Variants in SLC29A4 observed in about 807,000 individuals in gnomAD.
The protein encoded by SLC29A4 is solute carrier family 29 member 4, also known as equilibrative nucleoside transporter 4.
In SLC29A4, 36 loss-of-function variants were observed where a neutral mutation model predicts 43.9. The observed-to-expected ratio is 0.82, with a 90% CI of 0.63 to 1.08. SLC29A4 has a LOEUF of 1.08. Among genes scored for constraint, SLC29A4 ranks in the 50% least tolerant of loss-of-function variants. The pLI is 0.00. For missense variants in SLC29A4, 869 were observed against 755.3 expected, an observed-to-expected ratio of 1.15 and a Z score of -1.77; for synonymous variants, 491 against 338.0, an observed-to-expected ratio of 1.45 and a Z score of -4.97.
Position 5,290,873 on chromosome 7 carries a change from T to A in SLC29A4, c.301+10T>A. On this transcript the variant is annotated intron_variant, in intron 3 of 10. Transcript: ENST00000396872. Reference sequence around the variant, plus strand: ...CATCACAAGTACCCAGGTGGGTCCCTCCACGGTCACGCCCAGCCACTCAGC... The same window carrying A: ...CATCACAAGTACCCAGGTGGGTCCCACCACGGTCACGCCCAGCCACTCAGC... 6.2e-7 allele frequency: 1 copy of A among 1,604,574 alleles called. No homozygotes were observed. The highest frequency in any genetic ancestry group is 8.5e-7 in the Non-Finnish European group (1 of 1,174,572).
At position 5,305,436 on chromosome 7, in the gene SLC29A4, C is replaced by T. The variant is rs1583692870; in HGVS notation, c.*2497C>T. The T allele has an allele frequency of 6.6e-6, 1 of 152,322 alleles. No homozygotes were observed. The highest frequency in any genetic ancestry group is 1.5e-5 in the Non-Finnish European group (1 of 68,112). The allele number at this position is 152,322 out of a possible 1,614,324, so 9.4% of individuals were successfully genotyped here. ...GACCCCCACCTATAGCTTCCCTAGGCCCCAGTGCAGAGATGCCGTCCACCC... is the reference window on the plus strand; with the variant it reads ...GACCCCCACCTATAGCTTCCCTAGGTCCCAGTGCAGAGATGCCGTCCACCC... On this transcript the variant is annotated 3_prime_UTR_variant, in exon 11 of 11. Transcript: ENST00000396872.
intron 2 of SLC29A4, among the ~76,000 whole-genome samples, chr7:5,290,387 G>C (rs1220958358): frequency 2.0e-5 from 3 of 152,030 alleles, no homozygotes; most frequent in African/African-American, 7.2e-5. Flanking sequence ...AGTAGAGATG[G>C]GGTTTCACCA....
In SLC29A4 at chr7:5,295,038, G is replaced by C. The variant is rs1785558189; in HGVS notation, c.619+104G>C. On this transcript the variant is annotated intron_variant, in intron 6 of 10. Coordinates refer to ENST00000396872, the MANE Select transcript of SLC29A4 (RefSeq NM_153247.4). ...TGATGCTCCCCGGTCTGGGAGGGAGGCTCACAATCCCTGGGCAGACTGAGC... is the reference window on the plus strand; with the variant it reads ...TGATGCTCCCCGGTCTGGGAGGGAGCCTCACAATCCCTGGGCAGACTGAGC... 6 of 1,032,936 alleles carry C rather than the reference G, an allele frequency of 5.8e-6. No individual in the cohort carries two copies. The Admixed American group carries it at 1.5e-4, about 25-fold the overall frequency. 64.0% of individuals were successfully genotyped at this position (1,032,936 alleles called of 1,614,324 possible). A position where few individuals can be genotyped will look rare whatever the true frequency, so the allele number is the denominator to read the frequency against.
chr7:5,286,020 AC>A (rs1192017861), intron 1 of SLC29A4, among the ~76,000 whole-genome samples: 2 of 151,646 alleles, frequency 1.3e-5, no homozygotes, highest in Non-Finnish European at 2.9e-5. Context: ...AGAAAAAAAA[AC>A]AAAAAACAAA....
chr7:5,285,966 C>T (rs923158335), intron 1 of SLC29A4, among the ~76,000 whole-genome samples: 3 of 151,980 alleles, frequency 2.0e-5, no homozygotes, highest in African/African-American at 4.8e-5. Context: ...GTTGTGATCG[C>T]GCCACTGCAC....
chr7:5,298,314 C>A (rs947124430), intron 7 of SLC29A4, among the ~76,000 whole-genome samples: 5 of 152,086 alleles, frequency 3.3e-5, no homozygotes, highest in African/African-American at 4.8e-5. Flanking sequence ...AAGACCTGAC[C>A]CACAGGAAGC....
At chr7:5,294,998 C>A in intron 6 of SLC29A4, 64 bp downstream of exon 6, 1 of 1,404,552 alleles carries the variant, frequency 7.1e-7, no homozygotes. Context: ...GAAGCTTCTT[C>A]CCAGGGACTC....
chr7:5,296,798 C>T (rs1165531619), intron 6 of SLC29A4, 138 bp from the exon 7 acceptor site: 27 of 935,104 alleles, frequency 2.9e-5, no homozygotes, highest in Non-Finnish European at 3.8e-5. Context: ...GAGGGCGGGG[C>T]CTGTGGGTGG....
At chr7:5,293,103 C>T (rs1785417044) in intron 5 of SLC29A4, among the ~76,000 whole-genome samples, 1 of 150,954 alleles carries the variant, frequency 6.6e-6, no homozygotes, top group Admixed American at 6.6e-5. Context: ...CCCTGTGTTT[C>T]ATGGTAGTGA....
In SLC29A4 at chr7:5,299,334, C is replaced by T. The variant is rs575153869; in HGVS notation, c.1116C>T (p.Pro372=). The T allele has an allele frequency of 1.3e-4, 207 of 1,612,046 alleles. 2 individuals are homozygous for T. In the Middle Eastern group the frequency reaches 3.0e-3, roughly 23 times the overall value. Reference sequence around the variant, plus strand: ...ACTTCATCACGCTGTGCCTGTTCCCCGGCCTCGAGTCTGAGATCCGCCACT... The same window carrying T: ...ACTTCATCACGCTGTGCCTGTTCCCTGGCCTCGAGTCTGAGATCCGCCACT... ...VTYFITLCLF[P]GLESEIRHCI... is the part of the protein sequence containing the mutation. Residue 372 remains proline, a synonymous_variant, in exon 9 of 11, where the codon CCC becomes CCT. Coordinates refer to ENST00000396872, the MANE Select transcript of SLC29A4 (RefSeq NM_153247.4).
chr7:5,292,887 C>T (rs1189661050), intron 5 of SLC29A4, among the ~76,000 whole-genome samples: 5 of 150,796 alleles, frequency 3.3e-5, no homozygotes, highest in African/African-American at 9.7e-5. Flanking sequence ...TTAGTAGAGA[C>T]GGGGTTTCAC....
chr7:5,300,318 C>T (rs1453452266), intron 9 of SLC29A4, 104 bp from the exon 10 acceptor site: 12 of 1,556,518 alleles, frequency 7.7e-6, no homozygotes, highest in Admixed American at 1.7e-5. Context: ...GCTGGACAGG[C>T]CCAGGAGTGT....
intron 1 of SLC29A4, among the ~76,000 whole-genome samples, chr7:5,284,693 A>T (rs1363405309): frequency 6.6e-6 from 1 of 152,132 alleles, no homozygotes; most frequent in Non-Finnish European, 1.5e-5. Context: ...GTGGCCCAGG[A>T]AAGGTGGGGG....
At chr7:5,285,908 A>G (rs10807941) in intron 1 of SLC29A4, among the ~76,000 whole-genome samples, 122,688 of 152,054 alleles carry the variant, frequency 0.81, 49,868 homozygotes, top group East Asian at 0.89. Flanking sequence ...TACTTAAGAG[A>G]CTGAGGTGGG....
chr7:5,286,429 AG>A (rs76567375), intron 1 of SLC29A4, among the ~76,000 whole-genome samples: 8,227 of 151,732 alleles, frequency 0.054, 471 homozygotes, highest in African/African-American at 0.14. Context: ...AGGCTGAGGC[AG>A]AAGAATCGCT....
At chr7:5,287,435 A>T (rs750015232) in intron 1 of SLC29A4, among the ~76,000 whole-genome samples, 2 of 150,914 alleles carry the variant, frequency 1.3e-5, no homozygotes, top group Non-Finnish European at 2.9e-5. Context: ...AAAAAAAAGA[A>T]AAAAAAGACA....
intron 4 of SLC29A4, 126 bp downstream of exon 4, chr7:5,291,363 C>G: frequency 1.1e-6 from 1 of 951,902 alleles, no homozygotes; most frequent in Non-Finnish European, 1.6e-6. Flanking sequence ...CTTCCTAGGG[C>G]TGCCCTGAGG....
intron 9 of SLC29A4, among the ~76,000 whole-genome samples, chr7:5,299,979 G>A (rs557467583): frequency 4.4e-4 from 67 of 152,330 alleles, no homozygotes; most frequent in African/African-American, 1.6e-3. Flanking sequence ...TTGAACCCAG[G>A]AGGTGGAGGG....
Position 5,291,835 on chromosome 7 carries a change from C to T in SLC29A4, c.544+14C>T. 1.9e-6 allele frequency: 3 copies of T among 1,608,518 alleles called. 1 individual carries two copies. The South Asian group carries it at 3.3e-5, about 18-fold the overall frequency. On this transcript the variant is annotated intron_variant, in intron 5 of 10. Coordinates refer to ENST00000396872, the MANE Select transcript of SLC29A4 (RefSeq NM_153247.4). ...TCGGCTGCACAGGTAGGAACCGGGG[C>T]CCAAGGGGGAGGCCTTGAGTGCCCA... is the stretch of plus-strand genomic sequence containing the variant.
Sources: allele counts gnomAD v4.1 joint callset (sites outside exome capture counted in the v4.1 genomes callset), GRCh38; gene constraint gnomAD v4.1.1; transcripts MANE v1.5; gene names NCBI Gene and HGNC (gene_info 2026-07-23, HGNC 2026-07-21).